Variants in LRRC4C observed in about 807,000 individuals in gnomAD.
The protein encoded by LRRC4C is leucine rich repeat containing 4C, also known as leucine-rich repeat-containing protein 4C.
Under a neutral mutation model 33.6 loss-of-function variants are expected in LRRC4C, and 5 were observed. The ratio of observed to expected loss-of-function variants is 0.15; its 90% CI spans 0.08 to 0.31. The LOEUF is 0.31. LRRC4C is among the 10% of genes least tolerant of loss of function. The probability of loss-of-function intolerance (pLI) is 1.00; values close to 1 mark genes in which losing one functional copy is unlikely to be tolerated. For missense variants in LRRC4C, 560 were observed against 796.7 expected (o/e 0.70, Z 3.58); for synonymous variants, 329 against 302.0 (o/e 1.09, Z -0.93).
At chr11:40,666,400 G>T (rs1156740021) in intron 2 of LRRC4C, among the ~76,000 whole-genome samples, 3 of 152,078 alleles carry the variant, frequency 2.0e-5, no homozygotes, top group Non-Finnish European at 4.4e-5. Flanking sequence ...AGGAGAGAAG[G>T]TCATGTTTGA....
At chr11:41,228,229 C>T (rs2136438629) in intron 1 of LRRC4C, among the ~76,000 whole-genome samples, 1 of 152,078 alleles carries the variant, frequency 6.6e-6, no homozygotes, top group South Asian at 2.1e-4. Context: ...GTTCAATTTT[C>T]TCTTACTGAT....
chr11:40,301,028 T>A (rs1440945413), intron 4 of LRRC4C, among the ~76,000 whole-genome samples: 1 of 152,106 alleles, frequency 6.6e-6, no homozygotes. Flanking sequence ...ATATGGAGGG[T>A]TACCCATTGA....
intron 3 of LRRC4C, among the ~76,000 whole-genome samples, chr11:40,348,212 T>C (rs551663861): frequency 2.4e-5 from 1 of 41,198 alleles, no homozygotes; most frequent in Non-Finnish European, 5.0e-5. Context: ...TATGAACACA[T>C]GTTGTTGGAA....
intron 1 of LRRC4C, among the ~76,000 whole-genome samples, chr11:41,339,528 A>G (rs1303158404): frequency 1.3e-5 from 2 of 152,176 alleles, no homozygotes; most frequent in East Asian, 3.8e-4. Context: ...CTAGCAGGAA[A>G]AAAAACATCC....
At chr11:41,360,088 C>T (rs1414502900) in intron 1 of LRRC4C, among the ~76,000 whole-genome samples, 1 of 152,128 alleles carries the variant, frequency 6.6e-6, no homozygotes, top group Non-Finnish European at 1.5e-5. Flanking sequence ...GAGGCTGAGG[C>T]AGGAGAATCA....
chr11:40,258,974 T>C (rs142011623), intron 4 of LRRC4C, among the ~76,000 whole-genome samples: 43 of 152,326 alleles, frequency 2.8e-4, no homozygotes, highest in African/African-American at 1.0e-3. Context: ...CAGAGGCTTA[T>C]CATATACCTG....
At chr11:40,558,615 G>A (rs1364781888) in intron 3 of LRRC4C, among the ~76,000 whole-genome samples, 1 of 152,162 alleles carries the variant, frequency 6.6e-6, no homozygotes, top group Non-Finnish European at 1.5e-5. Flanking sequence ...CCCCTGTACT[G>A]TGTCTCCTTG....
At chr11:40,860,107 T>TAAATAAAC in intron 2 of LRRC4C, among the ~76,000 whole-genome samples, 1 of 150,818 alleles carries the variant, frequency 6.6e-6, no homozygotes, top group Non-Finnish European at 1.5e-5. Context: ...AATAAATAAA[T>TAAATAAAC]AAATAAATAA....
chr11:40,496,069 G>A (rs1300565305), intron 3 of LRRC4C, among the ~76,000 whole-genome samples: 1 of 151,900 alleles, frequency 6.6e-6, no homozygotes, highest in East Asian at 1.9e-4. Flanking sequence ...GACCTCGGGT[G>A]ATCTGCTCAC....
chr11:41,137,704 A>T (rs1943326890), intron 1 of LRRC4C, among the ~76,000 whole-genome samples: 1 of 152,250 alleles, frequency 6.6e-6, no homozygotes, highest in African/African-American at 2.4e-5. Flanking sequence ...AAAAAATATA[A>T]ATAAAACAAA....
intron 1 of LRRC4C, among the ~76,000 whole-genome samples, chr11:40,967,600 C>A (rs1851452627): frequency 6.6e-6 from 1 of 151,874 alleles, no homozygotes; most frequent in African/African-American, 2.4e-5. Context: ...CTTATTATAT[C>A]TCTTATAGTG....
At chr11:41,003,654 A>C (rs1000782922) in intron 1 of LRRC4C, among the ~76,000 whole-genome samples, 3 of 151,908 alleles carry the variant, frequency 2.0e-5, no homozygotes, top group African/African-American at 7.3e-5. Flanking sequence ...AAATATTTAT[A>C]CATTTTTAGG....
In LRRC4C at chr11:40,784,081, T is replaced by C. The variant is rs1950319006; in HGVS notation, c.-406-135803A>G. On this transcript the variant is annotated intron_variant, in intron 2 of 6. Coordinates refer to ENST00000528697, the MANE Select transcript of LRRC4C (RefSeq NM_001258419.2). ...AAGTTTCTAATGAAAGATGTTTATTTATATATATATATACATTCATTAAAG... is the reference window on the plus strand; with the variant it reads ...AAGTTTCTAATGAAAGATGTTTATTCATATATATATATACATTCATTAAAG... 4.8e-5 allele frequency among the ~76,000 whole-genome samples: 3 copies of C among 62,784 alleles called. No homozygotes were observed. The South Asian group carries it at 1.3e-3, about 28-fold the overall frequency. The allele number at this position is 62,784 out of a possible 152,430, so 41.2% of individuals were successfully genotyped here.
intron 5 of LRRC4C, among the ~76,000 whole-genome samples, chr11:40,233,781 A>C (rs2136031093): frequency 6.6e-6 from 1 of 152,310 alleles, no homozygotes; most frequent in Admixed American, 6.5e-5. Flanking sequence ...TCATTACTTT[A>C]ATTGTTAAAA....
intron 1 of LRRC4C, among the ~76,000 whole-genome samples, chr11:40,980,323 G>A (rs919523309): frequency 4.6e-5 from 7 of 152,154 alleles, no homozygotes; most frequent in Non-Finnish European, 1.0e-4. Flanking sequence ...GTTTGTTGTT[G>A]TCAAAAAATA....
chr11:41,010,839 G>T (rs908261021), intron 1 of LRRC4C, among the ~76,000 whole-genome samples: 2 of 152,144 alleles, frequency 1.3e-5, no homozygotes, highest in Non-Finnish European at 2.9e-5. Flanking sequence ...TGCAAATTCA[G>T]TAACAGGTTG....
chr11:40,259,118 TG>T (rs1867464951), intron 4 of LRRC4C, among the ~76,000 whole-genome samples: 1 of 152,150 alleles, frequency 6.6e-6, no homozygotes, highest in Admixed American at 6.6e-5. Flanking sequence ...AGTGGAGTGT[TG>T]GGGCCAGAAT....
intron 2 of LRRC4C, among the ~76,000 whole-genome samples, chr11:40,762,532 C>T (rs534862108): frequency 6.6e-6 from 1 of 152,106 alleles, no homozygotes; most frequent in Admixed American, 6.6e-5. Context: ...TTATGAGGTA[C>T]AACAGAGTTG....
chr11:41,085,776 AAC>A (rs1939928236), intron 1 of LRRC4C, among the ~76,000 whole-genome samples: 2 of 152,090 alleles, frequency 1.3e-5, no homozygotes, highest in Non-Finnish European at 2.9e-5. Context: ...GACTCTTAGC[AAC>A]AGATTAGTAC....
Sources: allele counts gnomAD v4.1 joint callset (sites outside exome capture counted in the v4.1 genomes callset), GRCh38; gene constraint gnomAD v4.1.1; transcripts MANE v1.5; gene names NCBI Gene and HGNC (gene_info 2026-07-23, HGNC 2026-07-21).